Variants in IFNLR1 observed in about 807,000 individuals in gnomAD.
The protein encoded by IFNLR1 is interferon lambda receptor 1.
Under a neutral mutation model 52.5 loss-of-function variants are expected in IFNLR1, and 28 were observed. The ratio of observed to expected loss-of-function variants is 0.53; its 90% CI spans 0.40 to 0.73. IFNLR1 has a LOEUF of 0.73. Among genes scored for constraint, IFNLR1 ranks in the 30% least tolerant of loss-of-function variants. The pLI is 0.00. For synonymous variants in IFNLR1, 276 were observed against 274.9 expected (o/e 1.00, Z -0.04); for missense variants, 623 against 659.1 (o/e 0.95, Z 0.60).
intron 1 of IFNLR1, among the ~76,000 whole-genome samples, chr1:24,181,498 T>C (rs1410175455): frequency 2.0e-5 from 3 of 152,326 alleles, no homozygotes; most frequent in Non-Finnish European, 4.4e-5. Context: ...ACCCACACCC[T>C]AGTCCCTTAC....
chr1:24,171,112 T>C (rs1644573898), intron 2 of IFNLR1, among the ~76,000 whole-genome samples: 1 of 152,034 alleles, frequency 6.6e-6, no homozygotes, highest in South Asian at 2.1e-4. Context: ...GACAGAAAAA[T>C]TCTAACTTAT....
rs16829256 is a variant in IFNLR1, at chr1:24,160,220, C to A, written c.511-587G>T. 8.0e-3 allele frequency among the ~76,000 whole-genome samples: 1,215 copies of A among 152,276 alleles called. 17 individuals carry two copies. Among genetic ancestry groups the A allele is most frequent in the African/African-American group, 0.027 (1,128 of 41,550 alleles). The stretch of plus-strand genomic sequence containing the variant: ...ATCTTGGGGTCTCCTAGTCTATCAG[C>A]AGTGGAGGAAACCTCTACAGATGCT... On this transcript the variant is annotated intron_variant, in intron 4 of 6. Coordinates refer to ENST00000327535, the MANE Select transcript of IFNLR1 (RefSeq NM_170743.4).
intron 3 of IFNLR1, among the ~76,000 whole-genome samples, chr1:24,168,328 T>C (rs1644539893): frequency 6.6e-6 from 1 of 152,148 alleles, no homozygotes. Context: ...CTTAAAGCCT[T>C]ATTTTGTCCT....
At chr1:24,187,158 T>C (rs1644747126) in intron 1 of IFNLR1, 33 bp downstream of exon 1, 1 of 1,343,454 alleles carries the variant, frequency 7.4e-7, no homozygotes, top group Non-Finnish European at 9.7e-7. Context: ...GGGAGCCCTC[T>C]TCCCCCTCCC....
chr1:24,158,136 G>A (rs1644402631), intron 6 of IFNLR1, among the ~76,000 whole-genome samples: 1 of 152,212 alleles, frequency 6.6e-6, no homozygotes, highest in Admixed American at 6.5e-5. Flanking sequence ...GAGCCACTGG[G>A]CACACGCACC....
At chr1:24,180,904 A>C in intron 1 of IFNLR1, 50 bp from the exon 2 acceptor site, 1 of 1,590,442 alleles carries the variant, frequency 6.3e-7, no homozygotes, top group Non-Finnish European at 8.5e-7. Flanking sequence ...GCTGGTCTTG[A>C]CTCAGGCCAT....
intron 4 of IFNLR1, among the ~76,000 whole-genome samples, chr1:24,159,901 T>C (rs1213675944): frequency 6.6e-6 from 1 of 150,974 alleles, no homozygotes; most frequent in Non-Finnish European, 1.5e-5. Context: ...CACACCACCA[T>C]ACCTGGGTAA....
At chr1:24,184,721 T>C (rs748261081) in intron 1 of IFNLR1, among the ~76,000 whole-genome samples, 32 of 152,120 alleles carry the variant, frequency 2.1e-4, no homozygotes, top group Admixed American at 7.9e-4. Context: ...ACGATGATGA[T>C]AATAATAGCA....
intron 2 of IFNLR1, among the ~76,000 whole-genome samples, chr1:24,172,274 G>A (rs1644589043): frequency 6.6e-6 from 1 of 152,060 alleles, no homozygotes; most frequent in African/African-American, 2.4e-5. Context: ...AAATAAGAAA[G>A]AATAGAAATT....
rs966145462 is a variant in IFNLR1, at chr1:24,181,567, C to T, written c.59-713G>A. On this transcript the variant is annotated intron_variant, in intron 1 of 6. Transcript: ENST00000327535. ...TTCTTTTTGCCTGACTCTTCATTCC[C>T]GCTTCATGTAGCCCAGGATGGAGGA... Among the ~76,000 whole-genome samples the T allele has an allele frequency of 2.6e-5, 4 of 152,196 alleles. No individual in the cohort carries two copies. In the East Asian group the frequency reaches 7.7e-4, roughly 29 times the overall value.
chr1:24,157,310 GACC>G lies in IFNLR1; in HGVS notation c.1380_1382del (p.Val461del), dbSNP rs749090674. 1.9e-6 allele frequency: 3 copies of G among 1,614,196 alleles called. No individual in the cohort carries two copies. Among genetic ancestry groups the G allele is most frequent in the Non-Finnish European group, 2.5e-6 (3 of 1,180,030 alleles). ...GAAGAGAAACTGGGGGTCCCCCAGG[GACC>G]AGATTCGGCTCCGGTGGTAAGGTGC... On this transcript the variant is annotated inframe_deletion, in exon 7 of 7. Coordinates refer to ENST00000327535, the MANE Select transcript of IFNLR1 (RefSeq NM_170743.4). The surrounding 1 kb of genome is among the most constrained non-coding windows in gnomAD (Gnocchi z 5.1).
At chr1:24,158,966 T>A (rs1476582813) in intron 6 of IFNLR1, 86 bp downstream of exon 6, 1 of 1,369,970 alleles carries the variant, frequency 7.3e-7, no homozygotes, top group East Asian at 2.3e-5. Flanking sequence ...CATCTTGATA[T>A]TCTATCTGAA....
intron 6 of IFNLR1, among the ~76,000 whole-genome samples, chr1:24,158,826 T>C (rs147461467): frequency 1.0e-3 from 152 of 152,342 alleles, no homozygotes; most frequent in African/African-American, 3.5e-3. Context: ...TGAAGTTATT[T>C]ATCTCAAAGG....
intron 2 of IFNLR1, among the ~76,000 whole-genome samples, chr1:24,177,812 GA>G (rs1644648337): frequency 6.6e-6 from 1 of 152,172 alleles, no homozygotes; most frequent in African/African-American, 2.4e-5. Context: ...TTGGGATAAA[GA>G]AAATGAGTAA....
At position 24,154,193 on chromosome 1, in the gene IFNLR1, T is replaced by C. The variant is rs1644356705; in HGVS notation, c.*2937A>G. Reference sequence around the variant, plus strand: ...TTTTTTCTTTAAAAATAGAGCTCTTTATTTAAACAGTTTAGGGTAATACCA... The same window carrying C: ...TTTTTTCTTTAAAAATAGAGCTCTTCATTTAAACAGTTTAGGGTAATACCA... On this transcript the variant is annotated 3_prime_UTR_variant, in exon 7 of 7. Coordinates refer to ENST00000327535, the MANE Select transcript of IFNLR1 (RefSeq NM_170743.4). The C allele has an allele frequency of 2.6e-5, 4 of 152,200 alleles. 1 individual carries two copies. In the South Asian group the frequency reaches 8.3e-4, roughly 32 times the overall value. 9.4% of individuals were successfully genotyped at this position (152,200 alleles called of 1,614,324 possible). A position where few individuals can be genotyped will look rare whatever the true frequency, so the allele number is the denominator to read the frequency against.
chr1:24,163,577 T>C (rs1368232823), intron 3 of IFNLR1, among the ~76,000 whole-genome samples: 6 of 61,560 alleles, frequency 9.7e-5, no homozygotes, highest in Non-Finnish European at 2.3e-4. Flanking sequence ...CCACATCTCT[T>C]TCTTTTTTCT....
rs758520774 is a variant in IFNLR1 at position 24,169,436 on chromosome 1, G to A, written c.348C>T (p.Tyr116=). The A allele has an allele frequency of 1.9e-6, 3 of 1,614,068 alleles. No homozygotes were observed. The highest frequency in any genetic ancestry group is 2.5e-6 in the Non-Finnish European group (3 of 1,179,972). ...SSKSPWVESE[Y]LDYLFEVEPA... is the part of the protein sequence containing the mutation. ...ACCTACCTTCAAAAAGGTAATCCAG[G>A]TATTCGGACTCCACCCAGGGGGACT... The change falls in exon 3 of 7, where the codon TAC becomes TAT. Residue 116 remains tyrosine (Y), a synonymous_variant. Transcript: ENST00000327535.
chr1:24,173,799 C>T (rs1486474112), intron 2 of IFNLR1, among the ~76,000 whole-genome samples: 1 of 150,694 alleles, frequency 6.6e-6, no homozygotes, highest in Non-Finnish European at 1.5e-5. Flanking sequence ...CAGGTGTACG[C>T]CACCATGCCT....
intron 1 of IFNLR1, among the ~76,000 whole-genome samples, chr1:24,182,774 G>GC (rs1644703589): frequency 6.6e-6 from 1 of 152,034 alleles, no homozygotes; most frequent in Admixed American, 6.6e-5. Flanking sequence ...ACAAAAATTA[G>GC]CCAGGCGTGG....
Sources: allele counts gnomAD v4.1 joint callset (sites outside exome capture counted in the v4.1 genomes callset), GRCh38; gene constraint gnomAD v4.1.1; non-coding constraint Gnocchi (gnomAD v3.1); transcripts MANE v1.5; gene names NCBI Gene and HGNC (gene_info 2026-07-23, HGNC 2026-07-21).